The following CNOT6 variants were observed in gnomAD, a reference collection of about 807,000 sequenced individuals.
CNOT6 encodes the protein carbon catabolite repression 4 protein.
CNOT6 carries 12 observed loss-of-function variants against 61.2 expected under a neutral mutation model. That is an observed-to-expected ratio of 0.20 (90% CI 0.13 to 0.32). CNOT6 has a LOEUF of 0.32. CNOT6 is among the 10% of genes least tolerant of loss of function. CNOT6 has a pLI of 1.00. For synonymous variants in CNOT6, 225 were observed against 240.6 expected (o/e 0.94, Z 0.60); for missense variants, 405 against 663.9 (o/e 0.61, Z 4.28).
chr5:180,545,472 G>A (rs1487430417), intron 2 of CNOT6, among the ~76,000 whole-genome samples: 1 of 151,312 alleles, frequency 6.6e-6, no homozygotes, highest in South Asian at 2.1e-4. Flanking sequence ...TTTTTTTGTT[G>A]TTTTTGGTGA....
intron 11 of CNOT6, among the ~76,000 whole-genome samples, chr5:180,573,655 CT>C (rs1313669811): frequency 1.3e-5 from 2 of 151,528 alleles, no homozygotes; most frequent in Non-Finnish European, 2.9e-5. Flanking sequence ...TATAGGTCCC[CT>C]CACATCCTCA....
rs201957805 is a variant in CNOT6, at chr5:180,511,610, C to CA, written c.-3+16856dup. On this transcript the variant is annotated intron_variant, in intron 1 of 11. Coordinates refer to ENST00000261951, the MANE Select transcript of CNOT6 (RefSeq NM_001370472.1). ...TGAGTGACAGAGCAAGACTTTGTCTCAAAAAAAAAGCTGGGTGTGGTGGCC... is the reference window on the plus strand; with the variant it reads ...TGAGTGACAGAGCAAGACTTTGTCTCAAAAAAAAAAGCTGGGTGTGGTGGCC... 1.1e-3 allele frequency among the ~76,000 whole-genome samples: 166 copies of CA among 149,060 alleles called. No individual in the cohort carries two copies. In the East Asian group the frequency reaches 0.02, roughly 18 times the overall value.
At chr5:180,563,556 A>C (rs1037946765) in intron 4 of CNOT6, among the ~76,000 whole-genome samples, 2 of 152,118 alleles carry the variant, frequency 1.3e-5, no homozygotes, top group African/African-American at 4.8e-5. Context: ...CCAGTCTTTT[A>C]TGAGAGAATA....
chr5:180,575,343 C>A lies in CNOT6; in HGVS notation c.*1143C>A, dbSNP rs1275813595. On this transcript the variant is annotated 3_prime_UTR_variant, in exon 12 of 12. Coordinates refer to ENST00000261951, the MANE Select transcript of CNOT6 (RefSeq NM_001370472.1). The stretch of plus-strand genomic sequence containing the variant: ...TAGGGTGAGTCCCTGGATCTTTGCT[C>A]ACCAGATCCAAGCACTGCTTCTCGG... The A allele has an allele frequency of 6.6e-6, 1 of 151,132 alleles. No individual in the cohort carries two copies. The highest frequency in any genetic ancestry group is 1.5e-5 in the Non-Finnish European group (1 of 67,896). 9.4% of individuals were successfully genotyped at this position (151,132 alleles called of 1,614,324 possible).
chr5:180,502,980 A>T (rs375443283), intron 1 of CNOT6, among the ~76,000 whole-genome samples: 1 of 152,338 alleles, frequency 6.6e-6, no homozygotes, highest in East Asian at 1.9e-4. Flanking sequence ...TGATAACTAT[A>T]GTTTATAGAC....
In CNOT6 at chr5:180,574,059, C is replaced by G. The variant is rs768249050; in HGVS notation, c.1533C>G (p.His511Gln). ...TAGGCATCCTGGGCCCTCTGGACCA[C>G]CACTGGCTGGTTGAGAATAACATCA... ...NTLGILGPLD[H>Q]HWLVENNISG... Residue 511 changes from histidine to glutamine, a missense_variant, in exon 12 of 12, where the codon CAC (histidine) becomes CAG (glutamine). Physicochemically the swap from His to Gln is conservative, Grantham distance 24. This residue lies in a region of CNOT6 where 52 missense variants were observed against 69.3 expected (regional missense o/e 0.75). Coordinates refer to ENST00000261951, the MANE Select transcript of CNOT6 (RefSeq NM_001370472.1). 1.9e-6 allele frequency: 3 copies of G among 1,614,056 alleles called. No individual in the cohort carries two copies. The highest frequency in any genetic ancestry group is 2.5e-6 in the Non-Finnish European group (3 of 1,179,948).
intron 2 of CNOT6, among the ~76,000 whole-genome samples, chr5:180,549,022 A>G (rs1357744602): frequency 6.6e-6 from 1 of 152,144 alleles, no homozygotes; most frequent in Non-Finnish European, 1.5e-5. Context: ...TCTTATGCCT[A>G]CTACTATTTG....
At chr5:180,515,837 A>G (rs1757610903) in intron 1 of CNOT6, among the ~76,000 whole-genome samples, 1 of 152,216 alleles carries the variant, frequency 6.6e-6, no homozygotes, top group South Asian at 2.1e-4. Flanking sequence ...AGTAAAGCAC[A>G]AAGAATGGAG....
intron 7 of CNOT6, among the ~76,000 whole-genome samples, chr5:180,566,184 C>T (rs1316282009): frequency 6.6e-6 from 1 of 152,166 alleles, no homozygotes; most frequent in African/African-American, 2.4e-5. Context: ...GGGATTTATG[C>T]GTTTGCCATG....
At chr5:180,517,559 T>A (rs1757694466) in intron 1 of CNOT6, among the ~76,000 whole-genome samples, 1 of 152,162 alleles carries the variant, frequency 6.6e-6, no homozygotes, top group Non-Finnish European at 1.5e-5. Context: ...TTTTTCTTCT[T>A]TTTTTGAGAC....
At chr5:180,542,067 C>A (rs1458140299) in intron 2 of CNOT6, among the ~76,000 whole-genome samples, 1 of 152,124 alleles carries the variant, frequency 6.6e-6, no homozygotes, top group Non-Finnish European at 1.5e-5. Flanking sequence ...GAGAAAAGGT[C>A]ATTCTTATCC....
intron 2 of CNOT6, among the ~76,000 whole-genome samples, chr5:180,548,351 C>T (rs1166953385): frequency 6.6e-6 from 1 of 152,110 alleles, no homozygotes; most frequent in Non-Finnish European, 1.5e-5. Context: ...TGTTTTTTTC[C>T]CTCTGGCTCA....
At chr5:180,573,883 G>A in intron 11 of CNOT6, 105 bp from the exon 12 acceptor site, 1 of 653,060 alleles carries the variant, frequency 1.5e-6, no homozygotes, top group African/African-American at 1.8e-5. Context: ...AGTTTCACTT[G>A]TTCTGTTCTG....
In CNOT6 at chr5:180,574,022, A is replaced by C; in HGVS notation, c.1496A>C (p.Gln499Pro). The C allele has an allele frequency of 6.2e-7, 1 of 1,613,952 alleles. No individual in the cohort carries two copies. Among genetic ancestry groups the C allele is most frequent in the Non-Finnish European group, 8.5e-7 (1 of 1,179,894 alleles). ...IIDYIFYSKP[Q>P]LNTLGILGPL... The stretch of plus-strand genomic sequence containing the variant: ...GACTACATTTTCTATTCTAAACCTC[A>C]GCTGAACACCTTAGGCATCCTGGGC... The change falls in exon 12 of 12, where the codon CAG (glutamine) becomes CCG (proline). Residue 499 changes from glutamine to proline, a missense_variant. Transcript: ENST00000261951.
At chr5:180,533,425 G>A (rs1195730055) in intron 2 of CNOT6, among the ~76,000 whole-genome samples, 2 of 151,098 alleles carry the variant, frequency 1.3e-5, no homozygotes, top group Non-Finnish European at 2.9e-5. Context: ...TTATTATTTA[G>A]AGATGAGGTC....
intron 4 of CNOT6, among the ~76,000 whole-genome samples, chr5:180,563,049 G>C (rs1760263833): frequency 1.3e-5 from 2 of 152,094 alleles, no homozygotes; most frequent in Admixed American, 1.3e-4. Context: ...TAGAATCCTA[G>C]AATCTTAAAA....
At chr5:180,516,305 G>C (rs1309221531) in intron 1 of CNOT6, among the ~76,000 whole-genome samples, 2 of 149,006 alleles carry the variant, frequency 1.3e-5, no homozygotes, top group African/African-American at 5.0e-5. Flanking sequence ...CTCAGCCTCC[G>C]AGTAGCTGGG....
chr5:180,568,257 T>A (rs1246892743), intron 9 of CNOT6, among the ~76,000 whole-genome samples: 34 of 150,438 alleles, frequency 2.3e-4, no homozygotes, highest in Non-Finnish European at 3.4e-4. Flanking sequence ...CTCCTAAGAA[T>A]TTTTCATATA....
At chr5:180,531,154 GC>G (rs1357950502) in intron 2 of CNOT6, among the ~76,000 whole-genome samples, 18 of 136,220 alleles carry the variant, frequency 1.3e-4, no homozygotes, top group African/African-American at 4.8e-4. Flanking sequence ...GGGCGGAGGC[GC>G]CCCCCACCTC....
Sources: gnomAD v4.1 joint callset for allele counts (sites outside exome capture counted in the v4.1 genomes callset) on GRCh38, gnomAD v4.1.1 for gene constraint, gnomAD v4.1.1 regional missense constraint, MANE v1.5 for transcripts, NCBI Gene and HGNC (gene_info 2026-07-23, HGNC 2026-07-21) for gene names.